TRPC4: variants seen among roughly 807,000 people sequenced by gnomAD.
TRPC4 encodes the protein short transient receptor potential channel 4.
TRPC4 carries 49 observed loss-of-function variants against 99.4 expected under a neutral mutation model. The ratio of observed to expected loss-of-function variants is 0.49; its 90% confidence interval spans 0.39 to 0.63. TRPC4 has a LOEUF of 0.63. Ranked by LOEUF, TRPC4 falls within the 20% of genes least tolerant of loss-of-function variation. The probability of loss-of-function intolerance (pLI) is 0.00; values close to 1 mark genes in which losing one functional copy is unlikely to be tolerated. For missense variants in TRPC4, 898 were observed against 1,152.9 expected, an observed-to-expected ratio of 0.78 and a Z score of 3.20; for synonymous variants, 454 against 425.9, an observed-to-expected ratio of 1.07 and a Z score of -0.81.
At chr13:37,694,643 T>G (rs1468228780) in intron 3 of TRPC4, among the ~76,000 whole-genome samples, 1 of 152,248 alleles carries the variant, frequency 6.6e-6, no homozygotes, top group Non-Finnish European at 1.5e-5. Context: ...TTTTTTTTCT[T>G]AAAAGTACTT....
intron 1 of TRPC4, among the ~76,000 whole-genome samples, chr13:37,846,045 G>A (rs1284825891): frequency 6.6e-6 from 1 of 152,000 alleles, no homozygotes; most frequent in Non-Finnish European, 1.5e-5. Context: ...GGAATAAAAA[G>A]AAATGGCCAA....
intron 7 of TRPC4, among the ~76,000 whole-genome samples, chr13:37,653,752 A>T (rs1952125585): frequency 6.6e-6 from 1 of 152,160 alleles, no homozygotes; most frequent in Non-Finnish European, 1.5e-5. Flanking sequence ...CTCCTTGATG[A>T]AATTGGGACA....
chr13:37,835,210 T>C (rs73462414), intron 1 of TRPC4, among the ~76,000 whole-genome samples: 5,678 of 152,236 alleles, frequency 0.037, 371 homozygotes, highest in African/African-American at 0.13. Context: ...CGGCTGACTG[T>C]TTCATTCTCT....
At position 37,632,723 on chromosome 13, in the gene TRPC4, A is replaced by G. The variant is rs1951422300; in HGVS notation, c.*4180T>C. 6.6e-6 allele frequency among the ~76,000 whole-genome samples: 1 copy of G among 152,228 alleles called. No individual in the cohort carries two copies. Among genetic ancestry groups the G allele is most frequent in the African/African-American group, 2.4e-5 (1 of 41,472 alleles). On this transcript the variant is annotated 3_prime_UTR_variant, in exon 11 of 11. Transcript: ENST00000379705. ...ACATTTTATTATTACCAGTATGCAT[A>G]CAGGTTATCATAAAATCTACACTTC...
At chr13:37,849,812 G>A (rs1166756827) in intron 1 of TRPC4, among the ~76,000 whole-genome samples, 1 of 152,176 alleles carries the variant, frequency 6.6e-6, no homozygotes, top group Non-Finnish European at 1.5e-5. Context: ...CATCGGTGTT[G>A]GGAAGATGGC....
intron 3 of TRPC4, among the ~76,000 whole-genome samples, chr13:37,744,867 T>C (rs1675344856): frequency 2.0e-5 from 3 of 152,140 alleles, no homozygotes; most frequent in Admixed American, 2.0e-4. Flanking sequence ...AAAGCAATTA[T>C]GCTGGCTGAT....
intron 2 of TRPC4, among the ~76,000 whole-genome samples, chr13:37,762,110 G>A (rs1021746111): frequency 4.0e-5 from 6 of 151,796 alleles, no homozygotes; most frequent in Non-Finnish European, 8.8e-5. Context: ...GAACTTGAGG[G>A]TTATTATCAC....
At chr13:37,845,136 C>T (rs527855262) in intron 1 of TRPC4, among the ~76,000 whole-genome samples, 2 of 152,298 alleles carry the variant, frequency 1.3e-5, no homozygotes, top group Non-Finnish European at 2.9e-5. Flanking sequence ...ACCTTAAGGT[C>T]TGTTTGGGGT....
rs1231465398 is a variant in TRPC4, at chr13:37,746,091, C to T, written c.743G>A (p.Cys248Tyr). 6.2e-7 allele frequency: 1 copy of T among 1,613,948 alleles called. No individual in the cohort carries two copies. Among genetic ancestry groups the T allele is most frequent in the Admixed American group, 1.7e-5 (1 of 60,010 alleles). ...CAGTAGGTCCTTAGCAAATTGTTTG[C>T]ACTGCCGTGACAGCTCTTCATACTC... ...KSEYEELSRQ[C>Y]KQFAKDLLDQ... The change falls in exon 3 of 11, where the codon TGC becomes TAC. Residue 248 changes from cysteine (C) to tyrosine (Y), a missense_variant. Transcript: ENST00000379705.
At chr13:37,823,116 T>C (rs1476696105) in intron 1 of TRPC4, among the ~76,000 whole-genome samples, 221 of 151,290 alleles carry the variant, frequency 1.5e-3, no homozygotes, top group Non-Finnish European at 2.6e-3. Flanking sequence ...TTTGATGGGG[T>C]TGTTTGTTTT....
At chr13:37,794,837 T>C (rs1957207253) in intron 1 of TRPC4, among the ~76,000 whole-genome samples, 1 of 152,202 alleles carries the variant, frequency 6.6e-6, no homozygotes, top group African/African-American at 2.4e-5. Context: ...CCCATCAGTA[T>C]ATACCATGAG....
At chr13:37,678,047 T>G (rs1483902261) in intron 4 of TRPC4, among the ~76,000 whole-genome samples, 2 of 152,056 alleles carry the variant, frequency 1.3e-5, no homozygotes, top group Non-Finnish European at 2.9e-5. Context: ...TAGGAATACA[T>G]GAGAAGAGTT....
At chr13:37,723,942 A>G (rs553259495) in intron 3 of TRPC4, among the ~76,000 whole-genome samples, 7 of 152,260 alleles carry the variant, frequency 4.6e-5, no homozygotes, top group Admixed American at 4.6e-4. Context: ...CTAAAAATCT[A>G]TCCTGCAGAC....
intron 2 of TRPC4, among the ~76,000 whole-genome samples, chr13:37,752,973 C>T (rs889015569): frequency 3.9e-4 from 47 of 121,336 alleles, no homozygotes; most frequent in Non-Finnish European, 8.1e-4. Context: ...TCTCTTTCTC[C>T]CTCCACACAC....
At chr13:37,802,413 G>T (rs565211817) in intron 1 of TRPC4, among the ~76,000 whole-genome samples, 1 of 151,918 alleles carries the variant, frequency 6.6e-6, no homozygotes, top group Admixed American at 6.6e-5. Context: ...GTTGTTCCTC[G>T]TCTTTGATGA....
At chr13:37,827,304 C>G (rs1014397372) in intron 1 of TRPC4, among the ~76,000 whole-genome samples, 8 of 152,174 alleles carry the variant, frequency 5.3e-5, no homozygotes, top group African/African-American at 1.4e-4. Flanking sequence ...AGCTTTGTTC[C>G]ATTGCTGGTG....
intron 2 of TRPC4, 40 bp from the exon 3 acceptor site, chr13:37,746,495 T>G: frequency 1.3e-6 from 2 of 1,550,168 alleles, no homozygotes; most frequent in Non-Finnish European, 1.7e-6. Flanking sequence ...TATTTATTCT[T>G]TTGTTCAAGT....
chr13:37,674,455 A>G (rs1244873730), intron 4 of TRPC4, 88 bp from the exon 5 acceptor site: 8 of 1,401,268 alleles, frequency 5.7e-6, no homozygotes, highest in Admixed American at 2.5e-5. Context: ...TAGATCTCGA[A>G]GCTACAAGAG....
At chr13:37,715,922 C>T (rs921180836) in intron 3 of TRPC4, among the ~76,000 whole-genome samples, 12 of 152,156 alleles carry the variant, frequency 7.9e-5, no homozygotes, top group Admixed American at 2.0e-4. Context: ...ACAGATACAG[C>T]GAAGTGACTC....
Sources: allele counts gnomAD v4.1 joint callset (sites outside exome capture counted in the v4.1 genomes callset), GRCh38; gene constraint gnomAD v4.1.1; transcripts MANE v1.5; gene names NCBI Gene and HGNC (gene_info 2026-07-23, HGNC 2026-07-21).